Variants in TAFA4 observed in about 807,000 individuals in gnomAD.
The protein encoded by TAFA4 is TAFA chemokine like family member 4, also known as chemokine-like protein TAFA-4.
In TAFA4, 20 loss-of-function variants were observed where a neutral mutation model predicts 21.1. That is an observed-to-expected ratio of 0.95 (90% CI 0.67 to 1.38). The LOEUF (loss-of-function observed/expected upper bound fraction) is 1.38, where lower values mean the gene tolerates loss of function less well. Ranked by LOEUF, TAFA4 falls within the 40% of genes most tolerant of loss-of-function variation. TAFA4 has a pLI of 0.00. For synonymous variants in TAFA4, 71 were observed against 67.4 expected (o/e 1.05, Z -0.26); for missense variants, 211 against 180.9 (o/e 1.17, Z -0.95).
At chr3:68,864,795 TA>T (rs1259443272) in intron 3 of TAFA4, among the ~76,000 whole-genome samples, 1 of 151,948 alleles carries the variant, frequency 6.6e-6, no homozygotes, top group Non-Finnish European at 1.5e-5. Context: ...ATGTTTTAGT[TA>T]AAAAAAGAAC....
At chr3:68,900,590 A>G (rs2089836031) in intron 1 of TAFA4, among the ~76,000 whole-genome samples, 1 of 151,882 alleles carries the variant, frequency 6.6e-6, no homozygotes, top group South Asian at 2.1e-4. Flanking sequence ...TCTTCTTGGT[A>G]CTCTCTAGAA....
At chr3:68,879,114 T>C (rs1158110923) in intron 3 of TAFA4, among the ~76,000 whole-genome samples, 2 of 152,172 alleles carry the variant, frequency 1.3e-5, no homozygotes, top group Admixed American at 6.5e-5. Context: ...ATTTCTTTAA[T>C]TGGCCAGCAC....
chr3:68,776,897 T>A (rs1261572787), intron 3 of TAFA4, among the ~76,000 whole-genome samples: 4 of 152,060 alleles, frequency 2.6e-5, no homozygotes, highest in Non-Finnish European at 4.4e-5. Flanking sequence ...TAAATAATCA[T>A]CAAGTCAAAG....
intron 1 of TAFA4, among the ~76,000 whole-genome samples, chr3:68,930,654 C>T (rs1350860740): frequency 6.6e-6 from 1 of 152,178 alleles, no homozygotes; most frequent in Non-Finnish European, 1.5e-5. Flanking sequence ...CCAACTCACT[C>T]GGTCATTTTG....
intron 3 of TAFA4, among the ~76,000 whole-genome samples, chr3:68,798,547 T>C (rs977775131): frequency 6.6e-6 from 1 of 152,238 alleles, no homozygotes; most frequent in Non-Finnish European, 1.5e-5. Flanking sequence ...GTTGAACATT[T>C]AGTTGCATTC....
In TAFA4 at chr3:68,878,318, T is replaced by C. The variant is rs77885817; in HGVS notation, c.130+2412A>G. Among the ~76,000 whole-genome samples the C allele has an allele frequency of 7.2e-3, 1,098 of 152,334 alleles. 10 individuals carry two copies. Among genetic ancestry groups the C allele is most frequent in the African/African-American group, 0.025 (1,049 of 41,570 alleles). On this transcript the variant is annotated intron_variant, in intron 3 of 5. Coordinates refer to ENST00000295569, the MANE Select transcript of TAFA4 (RefSeq NM_182522.5). ...TAGCTATGACTCCATCTTTAAAGGA[T>C]AAAAATCTGAATTTTTGAAGTCTCC...
At chr3:68,920,509 T>A (rs911778657) in intron 1 of TAFA4, among the ~76,000 whole-genome samples, 2 of 152,198 alleles carry the variant, frequency 1.3e-5, no homozygotes, top group South Asian at 2.1e-4. Context: ...ATGTTTGGAT[T>A]TCTTTGAAAC....
chr3:68,784,426 G>A (rs1430928673), intron 3 of TAFA4, among the ~76,000 whole-genome samples: 3 of 152,070 alleles, frequency 2.0e-5, no homozygotes, highest in Admixed American at 1.3e-4. Flanking sequence ...CTTCTGGTGG[G>A]TTCACGGTCT....
intron 3 of TAFA4, among the ~76,000 whole-genome samples, chr3:68,780,808 T>C (rs1333757217): frequency 6.6e-6 from 1 of 152,122 alleles, no homozygotes; most frequent in Admixed American, 6.5e-5. Flanking sequence ...AACTGGCTGG[T>C]ATTTATGGAA....
chr3:68,750,142 G>T (rs1195518285), intron 4 of TAFA4, among the ~76,000 whole-genome samples: 1 of 152,148 alleles, frequency 6.6e-6, no homozygotes, highest in Non-Finnish European at 1.5e-5. Flanking sequence ...CATCAATAAA[G>T]GAATGGTGGC....
chr3:68,772,416 G>A (rs1307910160), intron 3 of TAFA4, among the ~76,000 whole-genome samples: 2 of 152,130 alleles, frequency 1.3e-5, no homozygotes, highest in Non-Finnish European at 2.9e-5. Context: ...GTGGGTGAGT[G>A]CCATCCAATT....
At chr3:68,770,893 G>A (rs73106755) in intron 3 of TAFA4, among the ~76,000 whole-genome samples, 3,416 of 152,236 alleles carry the variant, frequency 0.022, 52 homozygotes, top group Middle Eastern at 0.041. Context: ...CTTTTGGCCT[G>A]CCATACTCCC....
Position 68,885,212 on chromosome 3 carries a change from A to G in TAFA4, c.-24T>C, listed in dbSNP as rs1367899294. 6.2e-7 allele frequency: 1 copy of G among 1,610,974 alleles called. No individual in the cohort carries two copies. Among genetic ancestry groups the G allele is most frequent in the Non-Finnish European group, 8.5e-7 (1 of 1,178,388 alleles). ...ATAAGATGTGGTTCTAGTCAAACAC[A>G]CTTATTCCAGGATATATTTCAGAGT... On this transcript the variant is annotated 5_prime_UTR_variant, in exon 2 of 6. Coordinates refer to ENST00000295569, the MANE Select transcript of TAFA4 (RefSeq NM_182522.5).
intron 3 of TAFA4, among the ~76,000 whole-genome samples, chr3:68,846,219 A>C (rs1704789592): frequency 6.7e-6 from 1 of 149,174 alleles, no homozygotes; most frequent in Admixed American, 6.7e-5. Context: ...GTTCCTTTTC[A>C]CTCTTTTTCC....
At chr3:68,778,561 C>T (rs1475663373) in intron 3 of TAFA4, among the ~76,000 whole-genome samples, 1 of 152,092 alleles carries the variant, frequency 6.6e-6, no homozygotes, top group Non-Finnish European at 1.5e-5. Context: ...TATGTCTTTC[C>T]CATGCTGTTC....
At chr3:68,750,785 T>C (rs1197657016) in intron 4 of TAFA4, among the ~76,000 whole-genome samples, 4 of 152,218 alleles carry the variant, frequency 2.6e-5, no homozygotes, top group Non-Finnish European at 5.9e-5. Flanking sequence ...AAGAGTTTGT[T>C]AGAAGACATT....
At chr3:68,822,700 G>C (rs1019965188) in intron 3 of TAFA4, among the ~76,000 whole-genome samples, 2 of 152,150 alleles carry the variant, frequency 1.3e-5, no homozygotes, top group Non-Finnish European at 2.9e-5. Context: ...TCCAGCTCCT[G>C]AACTCAAGCC....
chr3:68,780,108 C>T (rs925307779), intron 3 of TAFA4, among the ~76,000 whole-genome samples: 7 of 152,130 alleles, frequency 4.6e-5, no homozygotes, highest in African/African-American at 9.7e-5. Flanking sequence ...TTGCATGGGG[C>T]ATGTAGCCAC....
rs567984070 is a variant in TAFA4, at chr3:68,759,899, G to A, written c.131-6881C>T. Reference sequence around the variant, plus strand: ...GGGTGGGCAGATGGGGGGTAGATGGGTAGGTACTAATTTCTATTTATTTTA... The same window carrying A: ...GGGTGGGCAGATGGGGGGTAGATGGATAGGTACTAATTTCTATTTATTTTA... On this transcript the variant is annotated intron_variant, in intron 3 of 5. Transcript: ENST00000295569. Among the ~76,000 whole-genome samples the A allele has an allele frequency of 5.3e-5, 8 of 152,264 alleles. No individual in the cohort carries two copies. In the East Asian group the frequency reaches 1.5e-3, roughly 29 times the overall value.
Sources: gnomAD v4.1 joint callset for allele counts (sites outside exome capture counted in the v4.1 genomes callset) on GRCh38, gnomAD v4.1.1 for gene constraint, MANE v1.5 for transcripts, NCBI Gene and HGNC (gene_info 2026-07-23, HGNC 2026-07-21) for gene names.